Variants in CFAP221 observed in about 807,000 individuals in gnomAD.
The protein encoded by CFAP221 is cilia and flagella associated protein 221, also known as cilia- and flagella-associated protein 221.
In CFAP221, 97 loss-of-function variants were observed where a neutral mutation model predicts 113.1. That is an observed-to-expected ratio of 0.86 (90% confidence interval 0.73 to 1.02). The LOEUF (loss-of-function observed/expected upper bound fraction) is 1.02. Among genes scored for constraint, CFAP221 ranks in the 50% least tolerant of loss-of-function variants. CFAP221 has a pLI of 0.00. For missense variants in CFAP221, 1,025 were observed against 1,013.4 expected (o/e 1.01, Z -0.16); for synonymous variants, 331 against 354.4 (o/e 0.93, Z 0.74).
In CFAP221 at chr2:119,565,196, ACTC is replaced by A. The variant is rs549308970; in HGVS notation, c.527+3089_527+3091del. On this transcript the variant is annotated intron_variant, in intron 6 of 23. Coordinates refer to ENST00000413369, the MANE Select transcript of CFAP221 (RefSeq NM_001271049.2). ...TCACCAACCCTTCCTGTGTTCGCTC[ACTC>A]CTCCTCAGTATTAAATGGTCTGTGC... Among the ~76,000 whole-genome samples, 532 of 151,994 alleles carry A rather than the reference ACTC, an allele frequency of 3.5e-3. 2 individuals carry two copies. The highest frequency in any genetic ancestry group is 0.01 in the Middle Eastern group (3 of 294).
chr2:119,566,362 A>G (rs1681626331), intron 6 of CFAP221, among the ~76,000 whole-genome samples: 1 of 152,194 alleles, frequency 6.6e-6, no homozygotes, highest in Admixed American at 6.5e-5. Context: ...GCAAGGGTGG[A>G]CTTGCTCCCG....
At chr2:119,546,595 T>G (rs1680069606) in intron 2 of CFAP221, among the ~76,000 whole-genome samples, 1 of 152,214 alleles carries the variant, frequency 6.6e-6, no homozygotes, top group Admixed American at 6.5e-5. Context: ...GTTTGCTTTC[T>G]AAAATCCTGG....
intron 23 of CFAP221, among the ~76,000 whole-genome samples, chr2:119,655,511 C>T (rs1013965396): frequency 6.6e-6 from 1 of 152,216 alleles, no homozygotes; most frequent in African/African-American, 2.4e-5. Flanking sequence ...ATGTCACCCT[C>T]TTTTCAAAAA....
intron 21 of CFAP221, among the ~76,000 whole-genome samples, chr2:119,646,049 A>ATT (rs940658733): frequency 1.1e-4 from 17 of 152,256 alleles, no homozygotes; most frequent in African/African-American, 4.1e-4. Context: ...ATAACAATGT[A>ATT]TTTTCCACCC....
intron 7 of CFAP221, among the ~76,000 whole-genome samples, chr2:119,592,980 T>C (rs1298188714): frequency 6.6e-6 from 1 of 152,228 alleles, no homozygotes; most frequent in Non-Finnish European, 1.5e-5. Context: ...GAAAATGGCA[T>C]GTCCTTTTGA....
intron 22 of CFAP221, among the ~76,000 whole-genome samples, chr2:119,649,004 A>G (rs1333234357): frequency 6.6e-6 from 1 of 152,208 alleles, no homozygotes; most frequent in African/African-American, 2.4e-5. Flanking sequence ...GTTACCTGGT[A>G]CTGCATTGCC....
downstream of CFAP221, among the ~76,000 whole-genome samples, chr2:119,657,039 G>C (rs931518073): frequency 3.3e-5 from 5 of 152,116 alleles, no homozygotes; most frequent in African/African-American, 1.2e-4. Flanking sequence ...TGGAGCAGGA[G>C]GTCACTGCAA....
At chr2:119,576,774 G>A (rs1682478042) in intron 6 of CFAP221, among the ~76,000 whole-genome samples, 2 of 152,188 alleles carry the variant, frequency 1.3e-5, no homozygotes, top group Admixed American at 1.3e-4. Flanking sequence ...TTATTTGAAA[G>A]TTAAAACCTA....
At chr2:119,637,384 G>A (rs543753207) in intron 19 of CFAP221, among the ~76,000 whole-genome samples, 2 of 152,304 alleles carry the variant, frequency 1.3e-5, no homozygotes, top group African/African-American at 4.8e-5. Context: ...AATGCATTCA[G>A]GTCTAGCTGC....
intron 3 of CFAP221, among the ~76,000 whole-genome samples, chr2:119,555,536 T>C: frequency 6.6e-6 from 1 of 152,212 alleles, no homozygotes; most frequent in East Asian, 1.9e-4. Context: ...GTTTTAGTTA[T>C]AAATGGAAAG....
chr2:119,547,377 T>G (rs368893479), intron 2 of CFAP221, among the ~76,000 whole-genome samples: 1 of 152,008 alleles, frequency 6.6e-6, no homozygotes, highest in African/African-American at 2.4e-5. Flanking sequence ...CTGAACAACA[T>G]GGTGAAACCC....
At chr2:119,635,379 A>G (rs1687049571) in intron 19 of CFAP221, among the ~76,000 whole-genome samples, 1 of 152,234 alleles carries the variant, frequency 6.6e-6, no homozygotes, top group East Asian at 1.9e-4. Context: ...TATGTTCCCA[A>G]ACATATAAAT....
At position 119,652,034 on chromosome 2, in the gene CFAP221, C is replaced by T. The variant is rs756687478; in HGVS notation, c.2379C>T (p.Phe793=). Residue 793 remains phenylalanine (F), a synonymous_variant, in exon 23 of 24, where the codon TTC becomes TTT. Transcript: ENST00000413369. ...MLTPEMIKVE[F]PMLNYKDIRK... ...CTCCAGAAATGATCAAAGTGGAATT[C>T]CCTATGTTGAACTACAAGGACATCA... 9.7e-5 allele frequency: 156 copies of T among 1,613,156 alleles called. No individual in the cohort carries two copies. Among genetic ancestry groups the T allele is most frequent in the Middle Eastern group, 6.6e-4 (4 of 6,078 alleles).
At chr2:119,628,472 C>T (rs532556147) in intron 16 of CFAP221, among the ~76,000 whole-genome samples, 74 of 152,148 alleles carry the variant, frequency 4.9e-4, no homozygotes, top group Non-Finnish European at 7.4e-4. Flanking sequence ...TAAGTCCTTC[C>T]GGTTCATCTC....
chr2:119,568,762 C>T (rs1014059778), intron 6 of CFAP221, among the ~76,000 whole-genome samples: 2 of 152,108 alleles, frequency 1.3e-5, no homozygotes, highest in African/African-American at 2.4e-5. Context: ...TGGGTTGATT[C>T]CATGTCTTCG....
chr2:119,581,645 G>A (rs1039315261), intron 6 of CFAP221, among the ~76,000 whole-genome samples: 1 of 152,074 alleles, frequency 6.6e-6, no homozygotes, highest in South Asian at 2.1e-4. Flanking sequence ...GAGAGTGGAG[G>A]GAATGGTATA....
chr2:119,651,841 A>G, intron 22 of CFAP221, 133 bp from the exon 23 acceptor site: 1 of 593,012 alleles, frequency 1.7e-6, no homozygotes, highest in Non-Finnish European at 2.8e-6. Context: ...TTTAATGTAA[A>G]CAACAAAAGT....
intron 6 of CFAP221, among the ~76,000 whole-genome samples, chr2:119,585,554 G>T (rs1471493769): frequency 6.6e-6 from 1 of 152,258 alleles, no homozygotes; most frequent in Non-Finnish European, 1.5e-5. Flanking sequence ...CAAAAGATTT[G>T]TTAGAGCTCA....
At chr2:119,545,541 T>C (rs1052903100) in intron 1 of CFAP221, among the ~76,000 whole-genome samples, 1 of 152,016 alleles carries the variant, frequency 6.6e-6, no homozygotes, top group Non-Finnish European at 1.5e-5. Context: ...TGGCCGTAGG[T>C]TTCACCACCT....
Sources: allele counts gnomAD v4.1 joint callset (sites outside exome capture counted in the v4.1 genomes callset), GRCh38; gene constraint gnomAD v4.1.1; transcripts MANE v1.5; gene names NCBI Gene and HGNC (gene_info 2026-07-23, HGNC 2026-07-21).